The following IL17RD variants were observed in gnomAD, a reference collection of about 807,000 sequenced individuals.
IL17RD encodes the protein interleukin-17 receptor D.
A neutral mutation model predicts 80.5 loss-of-function variants in IL17RD; 52 were observed. The ratio of observed to expected loss-of-function variants is 0.65; its 90% CI spans 0.52 to 0.81. The LOEUF is 0.81. Ranked by LOEUF, IL17RD falls within the 40% of genes least tolerant of loss-of-function variation. The pLI is 0.00. For missense variants in IL17RD, 1,024 were observed against 955.1 expected (o/e 1.07, Z -0.95); for synonymous variants, 416 against 391.8 (o/e 1.06, Z -0.73).
At chr3:57,124,959 G>GAT (rs1707419281) in intron 1 of IL17RD, among the ~76,000 whole-genome samples, 1 of 152,178 alleles carries the variant, frequency 6.6e-6, no homozygotes, top group Non-Finnish European at 1.5e-5. Context: ...TACTGTCCTA[G>GAT]ATGTAGGCTT....
chr3:57,123,908 A>G (rs910950405), intron 1 of IL17RD, among the ~76,000 whole-genome samples: 1 of 152,082 alleles, frequency 6.6e-6, no homozygotes, highest in Non-Finnish European at 1.5e-5. Flanking sequence ...AACTGGGTGT[A>G]ATGGCGGGCA....
intron 1 of IL17RD, among the ~76,000 whole-genome samples, chr3:57,129,862 T>C (rs1228333582): frequency 1.3e-5 from 2 of 152,180 alleles, no homozygotes; most frequent in Non-Finnish European, 2.9e-5. Context: ...TCAAAATGTG[T>C]GGCTTTCCCC....
At position 57,165,312 on chromosome 3, in the gene IL17RD, G is replaced by A. The variant is rs756308553; in HGVS notation, c.-26C>T. 4.0e-5 allele frequency: 55 copies of A among 1,366,192 alleles called. No homozygotes were observed. In the East Asian group the frequency reaches 1.6e-3, roughly 41 times the overall value. 84.6% of individuals were successfully genotyped at this position (1,366,192 alleles called of 1,614,324 possible). A position where few individuals can be genotyped will look rare whatever the true frequency, so the allele number is the denominator to read the frequency against. ...GGCCGTGCGCTCGCCCAGCCAGGCC[G>A]TTCTCTGCGCCCCGGCCGCCCGCCG... On this transcript the variant is annotated 5_prime_UTR_variant, in exon 1 of 13. It adds an upstream start codon to the 5' untranslated region. Transcript: ENST00000296318.
intron 11 of IL17RD, among the ~76,000 whole-genome samples, 182 bp from the exon 12 acceptor site, chr3:57,098,720 A>T (rs186045484): frequency 6.6e-6 from 1 of 152,344 alleles, no homozygotes; most frequent in East Asian, 1.9e-4. Context: ...TCCGTGGGTG[A>T]TGGTCACACC....
At chr3:57,110,110 T>C in intron 4 of IL17RD, 83 bp downstream of exon 4, 1 of 1,498,142 alleles carries the variant, frequency 6.7e-7, no homozygotes, top group South Asian at 1.2e-5. Context: ...CCCCTCCTTC[T>C]CCAATTTCAG....
Position 57,090,909 on chromosome 3 carries a change from C to T in IL17RD, c.*5484G>A, listed in dbSNP as rs1041055800. On this transcript the variant is annotated 3_prime_UTR_variant, in exon 13 of 13. Coordinates refer to ENST00000296318, the MANE Select transcript of IL17RD (RefSeq NM_017563.5). ...TTGTGAGACTTCTGATTGTGCAAAA[C>T]GCAGTGCTTGGTCAATTGAGAGCAG... 1 of 152,158 alleles carries T rather than the reference C, an allele frequency of 6.6e-6. No homozygotes were observed. Among genetic ancestry groups the T allele is most frequent in the Non-Finnish European group, 1.5e-5 (1 of 68,034 alleles). The allele number at this position is 152,158 out of a possible 1,614,324, so 9.4% of individuals were successfully genotyped here.
chr3:57,106,261 AAAGGT>A (rs1405468234), intron 5 of IL17RD, 107 bp from the exon 6 acceptor site: 9 of 792,422 alleles, frequency 1.1e-5, no homozygotes, highest in Admixed American at 2.2e-5. Flanking sequence ...TGATGCTAGA[AAAGGT>A]ATAAAATACA....
At chr3:57,135,932 G>A (rs1254944884) in intron 1 of IL17RD, among the ~76,000 whole-genome samples, 1 of 152,206 alleles carries the variant, frequency 6.6e-6, no homozygotes, top group African/African-American at 2.4e-5. Flanking sequence ...TGATACGCTG[G>A]TAGGTTGCCT....
At chr3:57,164,558 A>C (rs1022677987) in intron 1 of IL17RD, among the ~76,000 whole-genome samples, 1 of 152,200 alleles carries the variant, frequency 6.6e-6, no homozygotes, top group African/African-American at 2.4e-5. Context: ...CACAAGACGA[A>C]GGGCTGAACC....
chr3:57,097,246 A>T (rs1400363402), intron 12 of IL17RD, among the ~76,000 whole-genome samples: 3 of 152,150 alleles, frequency 2.0e-5, no homozygotes, highest in Non-Finnish European at 4.4e-5. Flanking sequence ...TTACAGGTCT[A>T]AAAAAGACGC....
chr3:57,124,289 C>G (rs1707402204), intron 1 of IL17RD, among the ~76,000 whole-genome samples: 2 of 152,184 alleles, frequency 1.3e-5, no homozygotes, highest in African/African-American at 2.4e-5. Flanking sequence ...TGTCCACATT[C>G]TAGTTCCCAG....
intron 1 of IL17RD, among the ~76,000 whole-genome samples, chr3:57,156,305 G>A (rs2107542511): frequency 6.6e-6 from 1 of 152,234 alleles, no homozygotes; most frequent in East Asian, 1.9e-4. Flanking sequence ...CTCTGGCCAG[G>A]CATGGTGGCT....
chr3:57,155,866 C>T (rs933010112), intron 1 of IL17RD, among the ~76,000 whole-genome samples: 1 of 152,204 alleles, frequency 6.6e-6, no homozygotes, highest in African/African-American at 2.4e-5. Context: ...GCTGGGATTA[C>T]AGGTATGAGC....
intron 1 of IL17RD, among the ~76,000 whole-genome samples, chr3:57,142,795 T>A (rs572231993): frequency 2.0e-5 from 3 of 147,540 alleles, no homozygotes; most frequent in East Asian, 2.0e-4. Context: ...AAGCTTCATT[T>A]AAAAAAAAAA....
intron 1 of IL17RD, 104 bp from the exon 2 acceptor site, chr3:57,120,417 T>C (rs762337724): frequency 7.8e-6 from 6 of 771,738 alleles, no homozygotes; most frequent in Admixed American, 2.0e-5. Flanking sequence ...AGACCCAGGG[T>C]CATGCCAGTC....
chr3:57,101,952 C>A (rs2129821), intron 10 of IL17RD, among the ~76,000 whole-genome samples: 138,140 of 152,130 alleles, frequency 0.91, 63,231 homozygotes, highest in African/African-American at 0.97. Context: ...TGAATTTACT[C>A]TCCTATCATT....
intron 2 of IL17RD, among the ~76,000 whole-genome samples, chr3:57,115,201 C>T (rs1872946): frequency 0.65 from 98,379 of 152,072 alleles, 33,187 homozygotes; most frequent in Non-Finnish European, 0.74. Flanking sequence ...AAAACAATCG[C>T]TAAATAACTT....
In IL17RD at chr3:57,120,238, A is replaced by G. The variant is rs765239107; in HGVS notation, c.184+18T>C. On this transcript the variant is annotated intron_variant, in intron 2 of 12. Transcript: ENST00000296318. The stretch of plus-strand genomic sequence containing the variant: ...ACTCAAAGGGCTCCATTCTTCAGCA[A>G]TAAAGGCGGTTACTTACTGTCATAT... 4.5e-5 allele frequency: 72 copies of G among 1,594,368 alleles called. No homozygotes were observed. Among genetic ancestry groups the G allele is most frequent in the Non-Finnish European group, 5.8e-5 (67 of 1,162,038 alleles).
chr3:57,169,220 A>T (rs2060359984), upstream of IL17RD: 4 of 518,106 alleles, frequency 7.7e-6, no homozygotes. Context: ...TCAATACAAC[A>T]CTTGGTCTCA....
Sources: allele counts gnomAD v4.1 joint callset (sites outside exome capture counted in the v4.1 genomes callset), GRCh38; gene constraint gnomAD v4.1.1; transcripts MANE v1.5; gene names NCBI Gene and HGNC (gene_info 2026-07-23, HGNC 2026-07-21).